Variants in PACSIN2 observed in about 807,000 individuals in gnomAD.
PACSIN2 encodes protein kinase C and casein kinase substrate in neurons 2, also known as protein kinase C and casein kinase substrate in neurons protein 2.
PACSIN2 carries 25 observed loss-of-function variants against 63.8 expected under a neutral mutation model. That is an observed-to-expected ratio of 0.39 (90% confidence interval 0.29 to 0.55). The LOEUF is 0.55. PACSIN2 is among the 20% of genes least tolerant of loss of function. The pLI is 0.62. For synonymous variants in PACSIN2, 255 were observed against 256.2 expected, an observed-to-expected ratio of 1.00 and a Z score of 0.05; for missense variants, 518 against 646.9, an observed-to-expected ratio of 0.80 and a Z score of 2.16.
chr22:42,968,147 G>C lies in PACSIN2; in HGVS notation c.-78+46874C>G, dbSNP rs1029676864. ...GCAACCCTGGCTCCCTCTGACGGCC[G>C]AGTGTGTCCTGGACCTCCACAAACA... On this transcript the variant is annotated intron_variant, in intron 1 of 10. Coordinates refer to ENST00000263246, the MANE Select transcript of PACSIN2 (RefSeq NM_001184970.3). Among the ~76,000 whole-genome samples, 27 of 152,278 alleles carry C rather than the reference G, an allele frequency of 1.8e-4. No individual in the cohort carries two copies. The East Asian group carries it at 4.8e-3, about 27-fold the overall frequency.
chr22:42,978,222 T>C (rs1330793994), intron 1 of PACSIN2, among the ~76,000 whole-genome samples: 2 of 152,198 alleles, frequency 1.3e-5, no homozygotes, highest in Non-Finnish European at 2.9e-5. Context: ...TGCTGAATAA[T>C]GCCTACAATA....
intron 2 of PACSIN2, 73 bp downstream of exon 2, chr22:42,911,947 CA>C: frequency 3.4e-5 from 39 of 1,147,374 alleles, no homozygotes; most frequent in Middle Eastern, 2.0e-4. Context: ...CAACCTCCAC[CA>C]AAAAAACCAA....
chr22:42,882,506 T>C (rs761135723), intron 6 of PACSIN2, among the ~76,000 whole-genome samples: 1 of 152,120 alleles, frequency 6.6e-6, no homozygotes, highest in Non-Finnish European at 1.5e-5. Flanking sequence ...AAATGAGCTT[T>C]AAATCAAACC....
chr22:42,970,592 T>C (rs546930961), intron 1 of PACSIN2, among the ~76,000 whole-genome samples: 1 of 152,354 alleles, frequency 6.6e-6, no homozygotes, highest in South Asian at 2.1e-4. Context: ...AAATAAAAAG[T>C]TTATTATAGA....
chr22:42,927,178 G>C (rs75626753), intron 1 of PACSIN2, among the ~76,000 whole-genome samples: 2,603 of 151,902 alleles, frequency 0.017, 30 homozygotes, highest in Non-Finnish European at 0.024. Flanking sequence ...CAGCCAACAA[G>C]CCATCCTGTG....
At chr22:42,961,033 C>G (rs1195111018) in intron 1 of PACSIN2, among the ~76,000 whole-genome samples, 1 of 152,178 alleles carries the variant, frequency 6.6e-6, no homozygotes, top group Non-Finnish European at 1.5e-5. Context: ...AAGCCAGGAT[C>G]TAAGTGGTAA....
intron 10 of PACSIN2, among the ~76,000 whole-genome samples, chr22:42,874,517 C>T (rs1280323017): frequency 6.6e-6 from 1 of 152,152 alleles, no homozygotes; most frequent in East Asian, 1.9e-4. Flanking sequence ...GGTAGGTGTG[C>T]ACACACACAA....
chr22:42,918,919 G>C (rs946317456), intron 1 of PACSIN2, among the ~76,000 whole-genome samples: 1 of 152,144 alleles, frequency 6.6e-6, no homozygotes, highest in African/African-American at 2.4e-5. Context: ...ATAAGCTGAG[G>C]AGACTGAGAG....
chr22:42,877,520 C>T (rs1202075069), intron 8 of PACSIN2, among the ~76,000 whole-genome samples: 1 of 152,178 alleles, frequency 6.6e-6, no homozygotes, highest in Non-Finnish European at 1.5e-5. Flanking sequence ...CTCTTCTGCT[C>T]TGTGGAGCTG....
intron 1 of PACSIN2, among the ~76,000 whole-genome samples, chr22:42,958,837 G>C (rs1201282849): frequency 6.6e-6 from 1 of 152,210 alleles, no homozygotes; most frequent in South Asian, 2.1e-4. Flanking sequence ...CAGTAATCCA[G>C]TAAGTATAAT....
intron 1 of PACSIN2, among the ~76,000 whole-genome samples, chr22:42,965,709 C>T (rs1426842674): frequency 6.6e-6 from 1 of 152,158 alleles, no homozygotes; most frequent in Non-Finnish European, 1.5e-5. Context: ...CACTTTCTAA[C>T]CAGGCTAGCT....
chr22:42,896,297 CATA>C (rs1164482137), intron 2 of PACSIN2, among the ~76,000 whole-genome samples: 6 of 152,190 alleles, frequency 3.9e-5, no homozygotes, highest in Non-Finnish European at 8.8e-5. Flanking sequence ...TGTCACCCAC[CATA>C]ATGTTTCTGA....
chr22:42,962,119 G>A (rs912183717), intron 1 of PACSIN2, among the ~76,000 whole-genome samples: 1 of 151,688 alleles, frequency 6.6e-6, no homozygotes, highest in Non-Finnish European at 1.5e-5. Context: ...GTGAAACCCC[G>A]TCTGTACTAA....
At chr22:42,909,456 C>G (rs1931303116) in intron 2 of PACSIN2, 2 of 467,122 alleles carry the variant, frequency 4.3e-6, no homozygotes, top group South Asian at 3.1e-5. Flanking sequence ...GCAGTGTGCA[C>G]CTGAGTCTCT....
Position 42,984,110 on chromosome 22 carries a change from A to G in PACSIN2, c.-78+30911T>C, listed in dbSNP as rs1377849495. Among the ~76,000 whole-genome samples the G allele has an allele frequency of 4.6e-5, 7 of 151,980 alleles. No individual in the cohort carries two copies. In the South Asian group the frequency reaches 1.2e-3, roughly 27 times the overall value. On this transcript the variant is annotated intron_variant, in intron 1 of 10. Coordinates refer to ENST00000263246, the MANE Select transcript of PACSIN2 (RefSeq NM_001184970.3). Reference sequence around the variant, plus strand: ...TTCAGCCTCCTGAGCAGCTGGGATCATAGGTGTGCACCACCACATCTGGCT... The same window carrying G: ...TTCAGCCTCCTGAGCAGCTGGGATCGTAGGTGTGCACCACCACATCTGGCT...
At chr22:42,879,796 G>A (rs1459240970) in intron 7 of PACSIN2, among the ~76,000 whole-genome samples, 3 of 152,216 alleles carry the variant, frequency 2.0e-5, no homozygotes, top group Non-Finnish European at 4.4e-5. Context: ...GGGCTAGGTG[G>A]CTACCCGCTG....
At position 43,001,032 on chromosome 22, in the gene PACSIN2, T is replaced by C. The variant is rs117008677; in HGVS notation, c.-78+13989A>G. 4.1e-3 allele frequency among the ~76,000 whole-genome samples: 624 copies of C among 152,334 alleles called. 1 individual carries two copies. Among genetic ancestry groups the C allele is most frequent in the Non-Finnish European group, 5.9e-3 (402 of 68,040 alleles). On this transcript the variant is annotated intron_variant, in intron 1 of 10. Coordinates refer to ENST00000263246, the MANE Select transcript of PACSIN2 (RefSeq NM_001184970.3). ...GAGCACAAGCAGCCCTTGGGCCCCG[T>C]CCGACCTCAAATAAAACTTAGGCCA...
At chr22:42,883,245 C>T (rs890915001) in intron 6 of PACSIN2, among the ~76,000 whole-genome samples, 7 of 152,176 alleles carry the variant, frequency 4.6e-5, no homozygotes, top group Non-Finnish European at 1.0e-4. Flanking sequence ...GTCATTTAAT[C>T]TCACCCAGCC....
At chr22:42,903,811 C>T (rs1355262049) in intron 2 of PACSIN2, among the ~76,000 whole-genome samples, 1 of 152,170 alleles carries the variant, frequency 6.6e-6, no homozygotes, top group Non-Finnish European at 1.5e-5. Flanking sequence ...GTCCTTTCCT[C>T]GGGGCCTCAA....
Sources: gnomAD v4.1 joint callset for allele counts (sites outside exome capture counted in the v4.1 genomes callset) on GRCh38, gnomAD v4.1.1 for gene constraint, MANE v1.5 for transcripts, NCBI Gene and HGNC (gene_info 2026-07-23, HGNC 2026-07-21) for gene names.